Variants in RUBCN observed in about 807,000 individuals in gnomAD.
The protein encoded by RUBCN is run domain Beclin-1-interacting and cysteine-rich domain-containing protein.
A neutral mutation model predicts 113.2 loss-of-function variants in RUBCN; 74 were observed. The observed-to-expected ratio is 0.65, with a 90% CI of 0.54 to 0.79. RUBCN has a LOEUF of 0.79. Ranked by LOEUF, RUBCN falls within the 30% of genes least tolerant of loss-of-function variation. The pLI, the probability that RUBCN is intolerant of heterozygous loss-of-function variation, is 0.00. For missense variants in RUBCN, 1,109 were observed against 1,251.7 expected, an observed-to-expected ratio of 0.89 and a Z score of 1.72; for synonymous variants, 480 against 490.0, an observed-to-expected ratio of 0.98 and a Z score of 0.27.
In RUBCN at chr3:197,736,880, G is replaced by C; in HGVS notation, c.-161C>G. On this transcript the variant is annotated 5_prime_UTR_variant, in exon 1 of 20. Transcript: ENST00000296343. ...GCGACAGCGGGAGGGACCGCCGCCT[G>C]GGCTGCGGCTTCTATCCCGGCCACC... The C allele has an allele frequency of 3.6e-6, 5 of 1,372,802 alleles. No homozygotes were observed. The highest frequency in any genetic ancestry group is 4.7e-6 in the Non-Finnish European group (5 of 1,070,474). The allele number at this position is 1,372,802 out of a possible 1,614,324, so 85.0% of individuals were successfully genotyped here. A position where few individuals can be genotyped will look rare whatever the true frequency, so the allele number is the denominator to read the frequency against.
chr3:197,691,221 G>T, intron 11 of RUBCN: 1 of 825,810 alleles, frequency 1.2e-6, no homozygotes, highest in Non-Finnish European at 1.8e-6. Context: ...TATACCATAT[G>T]TTCCTGGAAT....
Position 197,671,922 on chromosome 3 carries a change from C to A in RUBCN, c.*3096G>T, listed in dbSNP as rs996588926. On this transcript the variant is annotated 3_prime_UTR_variant, in exon 20 of 20. Transcript: ENST00000296343. ...TTACATTATAACACAGAAACCTTCT[C>A]AATGTTCAGATATACCTGCTTTACA... 2 of 152,234 alleles carry A rather than the reference C, an allele frequency of 1.3e-5. No individual in the cohort carries two copies. The highest frequency in any genetic ancestry group is 4.8e-5 in the African/African-American group (2 of 41,452). The allele number at this position is 152,234 out of a possible 1,614,324, so 9.4% of individuals were successfully genotyped here. A position where few individuals can be genotyped will look rare whatever the true frequency, so the allele number is the denominator to read the frequency against.
chr3:197,719,346 C>T (rs1255625192), intron 1 of RUBCN, among the ~76,000 whole-genome samples: 1 of 151,972 alleles, frequency 6.6e-6, no homozygotes, highest in Non-Finnish European at 1.5e-5. Flanking sequence ...GGCGTGGTGG[C>T]ACATGCCTGT....
chr3:197,674,704 TG>T lies in RUBCN; in HGVS notation c.*313del, dbSNP rs1018579471. ...ACCTAGAGGAGAAGGCCACAGACGC[TG>T]GAAGAACTTGGTCTTGCTGTCTCTT... On this transcript the variant is annotated 3_prime_UTR_variant, in exon 20 of 20. Coordinates refer to ENST00000296343, the MANE Select transcript of RUBCN (RefSeq NM_014687.4). 2 of 439,506 alleles carry T rather than the reference TG, an allele frequency of 4.6e-6. No individual in the cohort carries two copies. Among genetic ancestry groups the T allele is most frequent in the African/African-American group, 4.1e-5 (2 of 48,364 alleles). The allele number at this position is 439,506 out of a possible 1,614,324, so 27.2% of individuals were successfully genotyped here.
rs1328547303 is a variant in RUBCN, at chr3:197,681,036, G to A, written c.2430+93C>T. 1 of 664,974 alleles carries A rather than the reference G, an allele frequency of 1.5e-6. No individual in the cohort carries two copies. The highest frequency in any genetic ancestry group is 2.0e-5 in the African/African-American group (1 of 49,312). 41.2% of individuals were successfully genotyped at this position (664,974 alleles called of 1,614,324 possible). A position where few individuals can be genotyped will look rare whatever the true frequency, so the allele number is the denominator to read the frequency against. Reference sequence around the variant, plus strand: ...GGGATGGGGGGAGGGGACAAGAGGAGGGGATGGGGGGAGGGGACGGGGGAG... The same window carrying A: ...GGGATGGGGGGAGGGGACAAGAGGAAGGGATGGGGGGAGGGGACGGGGGAG... On this transcript the variant is annotated intron_variant, in intron 16 of 19. Transcript: ENST00000296343. The surrounding 1 kb of genome is among the most constrained non-coding windows in gnomAD (Gnocchi z 5.5).
At chr3:197,732,436 C>T (rs914891979) in intron 1 of RUBCN, among the ~76,000 whole-genome samples, 4 of 152,218 alleles carry the variant, frequency 2.6e-5, no homozygotes, top group Non-Finnish European at 5.9e-5. Context: ...GCCTCAACCT[C>T]CCCAGTAGCT....
chr3:197,698,795 C>T (rs1311054894), intron 7 of RUBCN, among the ~76,000 whole-genome samples: 1 of 137,898 alleles, frequency 7.3e-6, no homozygotes, highest in African/African-American at 2.8e-5. Flanking sequence ...GAGTTCAAGA[C>T]CAACCTGGGC....
chr3:197,728,286 C>T (rs896763569), intron 1 of RUBCN, among the ~76,000 whole-genome samples: 2 of 152,216 alleles, frequency 1.3e-5, no homozygotes, highest in African/African-American at 4.8e-5. Flanking sequence ...AGAGTCCTTG[C>T]AGTCCCCTCC....
At chr3:197,705,998 T>C (rs866191505) in intron 2 of RUBCN, among the ~76,000 whole-genome samples, 2 of 152,284 alleles carry the variant, frequency 1.3e-5, no homozygotes, top group Middle Eastern at 6.8e-3. Flanking sequence ...TGTGTTGGGA[T>C]TACAGGCATG....
Position 197,683,513 on chromosome 3 carries a change from C to G in RUBCN, c.1848-74G>C. ...GATGCGAGGCTTCCCTTCATGATCT[C>G]ATCCCCCACGCAGCAACTTCTGGGC... On this transcript the variant is annotated intron_variant, in intron 12 of 19. Coordinates refer to ENST00000296343, the MANE Select transcript of RUBCN (RefSeq NM_014687.4). This position sits in a 1 kb window ranked among gnomAD's most constrained non-coding sequence, Gnocchi z 4.6. 6.4e-7 allele frequency: 1 copy of G among 1,566,036 alleles called. No homozygotes were observed. The highest frequency in any genetic ancestry group is 1.4e-5 in the African/African-American group (1 of 73,986).
intron 18 of RUBCN, chr3:197,676,330 C>T: frequency 1.0e-6 from 1 of 1,001,192 alleles, no homozygotes; most frequent in South Asian, 4.3e-5. Context: ...ATGACAACTG[C>T]CTTTTTTTTT....
intron 11 of RUBCN, among the ~76,000 whole-genome samples, chr3:197,684,420 CATT>C (rs1180068647): frequency 6.6e-6 from 1 of 152,124 alleles, no homozygotes; most frequent in East Asian, 1.9e-4. Flanking sequence ...GAATTAGTAA[CATT>C]ATGCATAGCA....
rs1367718225 is a variant in RUBCN, at chr3:197,669,075, T to C, written c.*5943A>G. 6.6e-6 allele frequency among the ~76,000 whole-genome samples: 1 copy of C among 152,224 alleles called. No individual in the cohort carries two copies. Among genetic ancestry groups the C allele is most frequent in the Non-Finnish European group, 1.5e-5 (1 of 68,044 alleles). On this transcript the variant is annotated 3_prime_UTR_variant, in exon 20 of 20. Coordinates refer to ENST00000296343, the MANE Select transcript of RUBCN (RefSeq NM_014687.4). ...CTTTTTATATAGGTAAACTTCTTAA[T>C]CTGGAATAATTTTAGATCCACAGTA...
In RUBCN at chr3:197,675,247, C is replaced by T. The variant is rs780915288; in HGVS notation, c.2741-51G>A. On this transcript the variant is annotated intron_variant, in intron 19 of 19. Coordinates refer to ENST00000296343, the MANE Select transcript of RUBCN (RefSeq NM_014687.4). This position sits in a 1 kb window ranked among gnomAD's most constrained non-coding sequence, Gnocchi z 4.4. ...GAGAAGAAAACAATTTGTATTATCT[C>T]CAGCTAGAGGTCAGTTGCTGCCACA... The T allele has an allele frequency of 1.9e-6, 3 of 1,604,984 alleles. No individual in the cohort carries two copies. In the African/African-American group the frequency reaches 4.0e-5, roughly 21 times the overall value.
intron 1 of RUBCN, among the ~76,000 whole-genome samples, chr3:197,743,153 G>A (rs541942589): frequency 5.8e-4 from 88 of 152,294 alleles, no homozygotes; most frequent in African/African-American, 2.1e-3. Flanking sequence ...AGGCTCCTCC[G>A]GAGCTCTTGA....
At chr3:197,742,742 G>A (rs1728577098) in intron 1 of RUBCN, among the ~76,000 whole-genome samples, 3 of 152,224 alleles carry the variant, frequency 2.0e-5, no homozygotes, top group Admixed American at 2.0e-4. Flanking sequence ...AAGAAGCCTG[G>A]GAGAAGGAGG....
chr3:197,712,604 G>A lies in RUBCN; in HGVS notation c.219+5373C>T, dbSNP rs1039448850. 2.6e-5 allele frequency among the ~76,000 whole-genome samples: 4 copies of A among 152,158 alleles called. No individual in the cohort carries two copies. In the South Asian group the frequency reaches 6.2e-4, roughly 24 times the overall value. ...AACAGAGCAGCAAGGAAACCGGCAC[G>A]GATCTTTTGATTCTTCCCACTAGAG... On this transcript the variant is annotated intron_variant, in intron 2 of 19. Coordinates refer to ENST00000296343, the MANE Select transcript of RUBCN (RefSeq NM_014687.4).
At chr3:197,725,323 T>G (rs1726611527) in intron 1 of RUBCN, among the ~76,000 whole-genome samples, 1 of 151,930 alleles carries the variant, frequency 6.6e-6, no homozygotes, top group African/African-American at 2.4e-5. Context: ...ATATTTGCTG[T>G]TTTTAATTAT....
At chr3:197,724,172 A>T (rs1726477204) in intron 1 of RUBCN, among the ~76,000 whole-genome samples, 1 of 152,168 alleles carries the variant, frequency 6.6e-6, no homozygotes, top group Admixed American at 6.5e-5. Context: ...AGAGGAACAG[A>T]AATTGCTTAA....
Sources: gnomAD v4.1 joint callset for allele counts (sites outside exome capture counted in the v4.1 genomes callset) on GRCh38, gnomAD v4.1.1 for gene constraint, Gnocchi (gnomAD v3.1) non-coding constraint, MANE v1.5 for transcripts, NCBI Gene and HGNC (gene_info 2026-07-23, HGNC 2026-07-21) for gene names.